PYGB: variants seen among roughly 807,000 people sequenced by gnomAD.
PYGB encodes the protein glycogen phosphorylase, brain form.
A neutral mutation model predicts 94.3 loss-of-function variants in PYGB; 82 were observed. The ratio of observed to expected loss-of-function variants is 0.87; its 90% CI spans 0.73 to 1.04. The LOEUF (loss-of-function observed/expected upper bound fraction) is 1.04, where lower values mean the gene tolerates loss of function less well. Among genes scored for constraint, PYGB ranks in the 50% least tolerant of loss-of-function variants. The probability of loss-of-function intolerance (pLI) is 0.00; values close to 1 mark genes in which losing one functional copy is unlikely to be tolerated. For missense variants in PYGB, 1,132 were observed against 1,158.2 expected (o/e 0.98, Z 0.33); for synonymous variants, 488 against 479.1 (o/e 1.02, Z -0.24).
At chr20:25,252,639 G>T (rs1045712844) in intron 1 of PYGB, among the ~76,000 whole-genome samples, 2 of 152,216 alleles carry the variant, frequency 1.3e-5, no homozygotes, top group Non-Finnish European at 2.9e-5. Context: ...TACAACCCAG[G>T]AACAGCCAGA....
intron 1 of PYGB, among the ~76,000 whole-genome samples, chr20:25,249,748 G>A (rs569120776): frequency 6.6e-6 from 1 of 152,284 alleles, no homozygotes; most frequent in Non-Finnish European, 1.5e-5. Context: ...GCCAAAACAG[G>A]TTATAACAAG....
At position 25,296,450 on chromosome 20, in the gene PYGB, G is replaced by C. The variant is rs985900246; in HGVS notation, c.2460G>C (p.Glu820Asp). The C allele has an allele frequency of 6.2e-7, 1 of 1,613,908 alleles. No individual in the cohort carries two copies. Among genetic ancestry groups the C allele is most frequent in the African/African-American group, 1.3e-5 (1 of 74,932 alleles). Residue 820 changes from glutamate to aspartate, a missense_variant, in exon 20 of 20, where the codon GAG becomes GAC. Physicochemically the swap from Glu to Asp is conservative, Grantham distance 45 (BLOSUM62 2). Transcript: ENST00000216962. ...TCTCCAGTGACCGGACCATCACGGA[G>C]TATGCACGGGAGATCTGGGGTGTGG... ...GKFSSDRTIT[E>D]YAREIWGVEP...
intron 1 of PYGB, among the ~76,000 whole-genome samples, chr20:25,251,554 C>T (rs1356821872): frequency 6.6e-6 from 1 of 152,168 alleles, no homozygotes; most frequent in East Asian, 1.9e-4. Context: ...TAGAAGGCCT[C>T]AGAGTGAGGG....
intron 13 of PYGB, 108 bp downstream of exon 13, chr20:25,283,385 C>A: frequency 2.0e-6 from 2 of 978,544 alleles, no homozygotes; most frequent in Non-Finnish European, 3.0e-6. Flanking sequence ...GGGGTACCCA[C>A]TGGGGCTTTA....
intron 2 of PYGB, among the ~76,000 whole-genome samples, chr20:25,267,593 C>A (rs2387734): frequency 6.6e-6 from 1 of 152,036 alleles, no homozygotes; most frequent in South Asian, 2.1e-4. Context: ...TGCAATGATA[C>A]GATCACGGCT....
Position 25,294,393 on chromosome 20 carries a change from G to T in PYGB, c.2312+101G>T. Reference sequence around the variant, plus strand: ...CCACCTTGTTTGGAGAGCAAAACCCGTGCTTTCAGGACGTCTTCTCCACTG... The same window carrying T: ...CCACCTTGTTTGGAGAGCAAAACCCTTGCTTTCAGGACGTCTTCTCCACTG... On this transcript the variant is annotated intron_variant, in intron 18 of 19. Transcript: ENST00000216962. 3 of 1,394,820 alleles carry T rather than the reference G, an allele frequency of 2.2e-6. No homozygotes were observed. In the South Asian group the frequency reaches 4.0e-5, roughly 19 times the overall value. 86.4% of individuals were successfully genotyped at this position (1,394,820 alleles called of 1,614,324 possible).
At chr20:25,249,443 G>A (rs1203509732) in intron 1 of PYGB, among the ~76,000 whole-genome samples, 1 of 152,200 alleles carries the variant, frequency 6.6e-6, no homozygotes, top group Non-Finnish European at 1.5e-5. Flanking sequence ...TAACGTAGAG[G>A]GAGAACTGGT....
intron 7 of PYGB, 33 bp from the exon 8 acceptor site, chr20:25,278,286 C>T: frequency 1.0e-6 from 1 of 973,656 alleles, no homozygotes; most frequent in South Asian, 1.9e-5. Context: ...AATGGCCCAG[C>T]CTGCACCCTC....
chr20:25,279,111 C>T lies in PYGB; in HGVS notation c.1054C>T (p.Arg352Trp), dbSNP rs868361956. 8 of 1,613,768 alleles carry T rather than the reference C, an allele frequency of 5.0e-6. No homozygotes were observed. Among genetic ancestry groups the T allele is most frequent in the South Asian group, 3.3e-5 (3 of 91,024 alleles). The change falls in exon 9 of 20, where the codon CGG becomes TGG. Residue 352 changes from arginine (R) to tryptophan (W), a missense_variant. Physicochemically the swap from Arg to Trp is moderately radical, Grantham distance 101 (BLOSUM62 -3). Coordinates refer to ENST00000216962, the MANE Select transcript of PYGB (RefSeq NM_002862.4). ...HPALSIPELM[R>W]ILVDVEKVDW... ...CGCCCTCTCCATCCCTGAGCTCATG[C>T]GGATCCTGGTGGACGTGGAGAAGGT... is the stretch of plus-strand genomic sequence containing the variant.
At chr20:25,264,282 T>G (rs1310887395) in intron 2 of PYGB, among the ~76,000 whole-genome samples, 1 of 152,126 alleles carries the variant, frequency 6.6e-6, no homozygotes, top group Non-Finnish European at 1.5e-5. Context: ...TATCTCAAAA[T>G]AATAAGAGCT....
At position 25,295,182 on chromosome 20, in the gene PYGB, A is replaced by T. The variant is rs1600747392; in HGVS notation, c.2313-422A>T. 4 of 838,912 alleles carry T rather than the reference A, an allele frequency of 4.8e-6. No homozygotes were observed. In the African/African-American group the frequency reaches 6.6e-5, roughly 14 times the overall value. 52.0% of individuals were successfully genotyped at this position (838,912 alleles called of 1,614,324 possible). On this transcript the variant is annotated intron_variant, in intron 18 of 19. Coordinates refer to ENST00000216962, the MANE Select transcript of PYGB (RefSeq NM_002862.4). ...AACTGCAAGTCAGTATTTCCTGTGT[A>T]GGCAAATCCCAGTTAGACTTAAGAC...
At chr20:25,282,495 C>G (rs1033402490) in intron 12 of PYGB, among the ~76,000 whole-genome samples, 35 of 152,244 alleles carry the variant, frequency 2.3e-4, no homozygotes, top group African/African-American at 7.2e-4. Context: ...CCTATGCAAG[C>G]TCCCTGAGGA....
chr20:25,265,089 A>G (rs1310806525), intron 2 of PYGB, among the ~76,000 whole-genome samples: 1 of 152,224 alleles, frequency 6.6e-6, no homozygotes, highest in Non-Finnish European at 1.5e-5. Flanking sequence ...ATATAGACCA[A>G]TGGAACAGAG....
At chr20:25,258,168 T>G (rs1249090053) in intron 1 of PYGB, among the ~76,000 whole-genome samples, 2 of 152,144 alleles carry the variant, frequency 1.3e-5, no homozygotes, top group Non-Finnish European at 2.9e-5. Context: ...ATTTGTAGAT[T>G]TAGGTATTTA....
Position 25,296,309 on chromosome 20 carries a change from A to G in PYGB, c.2380-61A>G. 3.8e-6 allele frequency: 6 copies of G among 1,592,336 alleles called. No homozygotes were observed. The African/African-American group carries it at 4.0e-5, about 11-fold the overall frequency. ...AACAGTCCTAAAGTTCTGGAATCCC[A>G]TGTTTTTAGCAGCCCCAAGCCCTGT... On this transcript the variant is annotated intron_variant, in intron 19 of 19. Coordinates refer to ENST00000216962, the MANE Select transcript of PYGB (RefSeq NM_002862.4).
intron 4 of PYGB, among the ~76,000 whole-genome samples, chr20:25,272,085 G>A (rs748443265): frequency 6.6e-6 from 1 of 152,198 alleles, no homozygotes; most frequent in Non-Finnish European, 1.5e-5. Flanking sequence ...GGAGGAGGGC[G>A]TGGTCTTAAA....
intron 18 of PYGB, among the ~76,000 whole-genome samples, chr20:25,294,557 G>A (rs2088509905): frequency 1.3e-5 from 2 of 152,236 alleles, no homozygotes; most frequent in African/African-American, 4.8e-5. Context: ...AATGTGCTGA[G>A]CAGGAGGGGG....
intron 2 of PYGB, among the ~76,000 whole-genome samples, chr20:25,267,008 A>G (rs143053993): frequency 7.2e-5 from 11 of 152,232 alleles, no homozygotes; most frequent in Admixed American, 2.0e-4. Context: ...GAGAAATGAA[A>G]ACATATGTCT....
intron 5 of PYGB, among the ~76,000 whole-genome samples, 169 bp downstream of exon 5, chr20:25,274,892 C>A (rs1568690593): frequency 6.6e-6 from 1 of 152,222 alleles, no homozygotes; most frequent in Non-Finnish European, 1.5e-5. Context: ...CAGTCTCTTA[C>A]ACTTTGATGG....
Sources: gnomAD v4.1 joint callset for allele counts (sites outside exome capture counted in the v4.1 genomes callset) on GRCh38, gnomAD v4.1.1 for gene constraint, MANE v1.5 for transcripts, NCBI Gene and HGNC (gene_info 2026-07-23, HGNC 2026-07-21) for gene names.